NUTM2F: variants seen among roughly 807,000 people sequenced by gnomAD.
NUTM2F encodes the protein family with sequence similarity 22, member F.
A neutral mutation model predicts 43.3 loss-of-function variants in NUTM2F; 22 were observed. That is an observed-to-expected ratio of 0.51 (90% CI 0.36 to 0.73). The LOEUF (loss-of-function observed/expected upper bound fraction) is 0.73, where lower values mean the gene tolerates loss of function less well. Among genes scored for constraint, NUTM2F ranks in the 30% least tolerant of loss-of-function variants. NUTM2F has a pLI of 0.00. For synonymous variants in NUTM2F, 202 were observed against 389.0 expected, an observed-to-expected ratio of 0.52 and a Z score of 5.66; for missense variants, 488 against 927.4, an observed-to-expected ratio of 0.53 and a Z score of 6.15.
In NUTM2F at chr9:94,320,099, A is replaced by G. The variant is rs550293714; in HGVS notation, c.1368+109T>C. On this transcript the variant is annotated intron_variant, in intron 5 of 6. Transcript: ENST00000253262. The surrounding 1 kb of genome is among the most constrained non-coding windows in gnomAD (Gnocchi z 4.5). ...GTCACATACACAGACACTCAAATCC[A>G]TGGAAATACACATACTACTGAGTAG... is the stretch of plus-strand genomic sequence containing the variant. 19 of 928,752 alleles carry G rather than the reference A, an allele frequency of 2.0e-5. No individual in the cohort carries two copies. The Admixed American group carries it at 2.8e-4, about 14-fold the overall frequency. The allele number at this position is 928,752 out of a possible 1,614,324, so 57.5% of individuals were successfully genotyped here.
At position 94,325,853 on chromosome 9, in the gene NUTM2F, G is replaced by A. The variant is rs1355572543; in HGVS notation, c.98C>T (p.Pro33Leu). Residue 33 changes from proline to leucine, a missense_variant, in exon 2 of 7, where the codon CCC becomes CTC. Transcript: ENST00000253262. The stretch of plus-strand genomic sequence containing the variant: ...CGGCCTGTGTGCTGGGCCGGGAGCG[G>A]GTGTGGCAAAGGGCAGAGCCGTGAA... ...SVFTALPFAT[P>L]APGPAHRPPL... 2.5e-6 allele frequency: 4 copies of A among 1,612,046 alleles called. No individual in the cohort carries two copies. Among genetic ancestry groups the A allele is most frequent in the South Asian group, 1.1e-5 (1 of 91,000 alleles).
rs533812601 is a variant in NUTM2F at position 94,326,130 on chromosome 9, C to T, written c.17-196G>A. 4.6e-5 allele frequency among the ~76,000 whole-genome samples: 7 copies of T among 151,796 alleles called. No homozygotes were observed. The East Asian group carries it at 1.4e-3, about 30-fold the overall frequency. ...CCACTAGAGAGCCTGGCGCCAGTCA[C>T]CAAGACTCCCTGACCCTTGTCTGCC... is the stretch of plus-strand genomic sequence containing the variant. On this transcript the variant is annotated intron_variant, in intron 1 of 6. Transcript: ENST00000253262.
chr9:94,322,810 C>T (rs1430951018), intron 2 of NUTM2F, among the ~76,000 whole-genome samples: 1 of 152,038 alleles, frequency 6.6e-6, no homozygotes, highest in Non-Finnish European at 1.5e-5. Flanking sequence ...GACCAGACAC[C>T]CAATCCGCTG....
chr9:94,323,326 C>T (rs1489024115), intron 2 of NUTM2F, among the ~76,000 whole-genome samples: 2 of 152,220 alleles, frequency 1.3e-5, no homozygotes, highest in Non-Finnish European at 2.9e-5. Context: ...AGGCAGGGGA[C>T]TCCCCTAGGG....
At chr9:94,324,043 G>A (rs191768248) in intron 2 of NUTM2F, among the ~76,000 whole-genome samples, 1 of 152,232 alleles carries the variant, frequency 6.6e-6, no homozygotes, top group East Asian at 1.9e-4. Context: ...GCTGAGGCGG[G>A]TGGATCACAA....
rs891921575 is a variant in NUTM2F at position 94,322,051 on chromosome 9, A to C, written c.842+150T>G. 7 of 1,435,602 alleles carry C rather than the reference A, an allele frequency of 4.9e-6. No homozygotes were observed. In the African/African-American group the frequency reaches 1.0e-4, roughly 20 times the overall value. 88.9% of individuals were successfully genotyped at this position (1,435,602 alleles called of 1,614,324 possible). On this transcript the variant is annotated intron_variant, in intron 3 of 6. Coordinates refer to ENST00000253262, the MANE Select transcript of NUTM2F (RefSeq NM_017561.2). ...CCAGAGCACTCTAGGTGTCAGGAGC[A>C]GCTTCCTGAGGGAGCCAGGGGCCCA...
intron 2 of NUTM2F, 50 bp from the exon 3 acceptor site, chr9:94,322,379 G>A (rs770007436): frequency 1.1e-4 from 184 of 1,609,528 alleles, no homozygotes; most frequent in South Asian, 1.9e-4. Context: ...CCTCCATCCC[G>A]GGCCCACCTG....
rs1831356009 is a variant in NUTM2F, at chr9:94,320,978, C to T, written c.982+115G>A. The T allele has an allele frequency of 6.8e-7, 1 of 1,461,190 alleles. No individual in the cohort carries two copies. Among genetic ancestry groups the T allele is most frequent in the Admixed American group, 2.5e-5 (1 of 40,376 alleles). 90.5% of individuals were successfully genotyped at this position (1,461,190 alleles called of 1,614,324 possible). The stretch of plus-strand genomic sequence containing the variant: ...CCAACATACACTCCCGGAAGCTGTC[C>T]TGTTGGAGGGAGCAAATCCCCCTCT... On this transcript the variant is annotated intron_variant, in intron 4 of 6. Transcript: ENST00000253262. The surrounding 1 kb of genome is among the most constrained non-coding windows in gnomAD (Gnocchi z 4.5).
intron 2 of NUTM2F, among the ~76,000 whole-genome samples, chr9:94,323,333 A>G (rs1831403850): frequency 6.6e-6 from 1 of 152,222 alleles, no homozygotes; most frequent in Non-Finnish European, 1.5e-5. Flanking sequence ...GGACTCCCCT[A>G]GGGGAATGGC....
In NUTM2F at chr9:94,322,337, C is replaced by A. The variant is rs767453730; in HGVS notation, c.714-8G>T. On this transcript the variant is annotated splice_polypyrimidine_tract_variant and splice_region_variant and intron_variant, in intron 2 of 6. Coordinates refer to ENST00000253262, the MANE Select transcript of NUTM2F (RefSeq NM_017561.2). ...AGGGATCGGAGAACTGGGCTGTAAA[C>A]CAGTGCAGTCAGTCCCAGTCTGTAA... is the stretch of plus-strand genomic sequence containing the variant. The A allele has an allele frequency of 1.2e-6, 2 of 1,611,832 alleles. No homozygotes were observed. The highest frequency in any genetic ancestry group is 3.3e-5 in the Admixed American group (2 of 60,008).
Position 94,321,166 on chromosome 9 carries a change from C to T in NUTM2F, c.909G>A (p.Gln303=). Residue 303 remains glutamine, a synonymous_variant, in exon 4 of 7, where the codon CAG becomes CAA. Transcript: ENST00000253262. The part of the protein sequence containing the change: ...IQKSQWMKGP[Q]SLPPPAPPRL... ...TCGGCGGGGCTGGAGGAGGCAGGCT[C>T]TGGGGCCCCTTCATCCACTGCGATT... The T allele has an allele frequency of 6.4e-7, 1 of 1,553,112 alleles. No homozygotes were observed. The highest frequency in any genetic ancestry group is 8.6e-7 in the Non-Finnish European group (1 of 1,156,954).
At chr9:94,328,491 A>G in intron 1 of NUTM2F, 117 bp downstream of exon 1, 2 of 1,554,718 alleles carry the variant, frequency 1.3e-6, no homozygotes, top group South Asian at 1.1e-5. Flanking sequence ...GGGGACATCC[A>G]GTGCTCCCTC....
chr9:94,325,778 G>T lies in NUTM2F; in HGVS notation c.173C>A (p.Ala58Asp), dbSNP rs751825292. The part of the protein sequence containing the change: ...VPPAGPLVLS[A>D]FPSTPLVAGQ... ...TGCCACTAGAGGGGTGCTGGGGAAG[G>T]CAGAGAGCACCAGAGGGCCGGCTGG... The change falls in exon 2 of 7, where the codon GCC becomes GAC. Residue 58 changes from alanine (A) to aspartate (D), a missense_variant. Physicochemically the swap from Ala to Asp is moderately radical, Grantham distance 126. Transcript: ENST00000253262. 6.2e-7 allele frequency: 1 copy of T among 1,612,150 alleles called. No individual in the cohort carries two copies. The highest frequency in any genetic ancestry group is 8.5e-7 in the Non-Finnish European group (1 of 1,179,858).
In NUTM2F at chr9:94,319,031, T is replaced by G; in HGVS notation, c.1705A>C (p.Met569Leu). The change falls in exon 7 of 7, where the codon ATG (methionine) becomes CTG (leucine). Residue 569 changes from methionine to leucine, a missense_variant. Met to Leu is a conservative substitution (Grantham distance 15). Transcript: ENST00000253262. ...PQGQGRVRTGMARSEDPAVLL... is the reference protein window; with the variant it reads ...PQGQGRVRTGLARSEDPAVLL... ...ACAGCAGGGTCTTCGGACCTGGCCA[T>G]GCCAGTGCGCACTCTGCCCTGTCCC... The G allele has an allele frequency of 2.5e-6, 4 of 1,589,546 alleles. No individual in the cohort carries two copies. The highest frequency in any genetic ancestry group is 3.4e-6 in the Non-Finnish European group (4 of 1,171,876).
rs1390937061 is a variant in NUTM2F at position 94,325,763 on chromosome 9, G to C, written c.188C>G (p.Pro63Arg). The change falls in exon 2 of 7, where the codon CCT becomes CGT. Residue 63 changes from proline (P) to arginine (R), a missense_variant. By Grantham distance (103) the Pro-to-Arg change is moderately radical. Coordinates refer to ENST00000253262, the MANE Select transcript of NUTM2F (RefSeq NM_017561.2). ...PLVLSAFPST[P>R]LVAGQDGRGP... is the part of the protein sequence containing the mutation. ...GCGGCCATCCTGTCCTGCCACTAGA[G>C]GGGTGCTGGGGAAGGCAGAGAGCAC... 1.2e-6 allele frequency: 2 copies of C among 1,612,012 alleles called. No individual in the cohort carries two copies. The highest frequency in any genetic ancestry group is 1.3e-5 in the African/African-American group (1 of 74,890).
At chr9:94,321,321 G>A (rs1831363724) in intron 3 of NUTM2F, 89 bp from the exon 4 acceptor site, 1 of 1,531,914 alleles carries the variant, frequency 6.5e-7, no homozygotes, top group East Asian at 2.4e-5. Context: ...GGGATGGGAG[G>A]GAGTGCCTCC....
Position 94,319,482 on chromosome 9 carries a change from C to T in NUTM2F, c.1485+131G>A, listed in dbSNP as rs1175621788. On this transcript the variant is annotated intron_variant, in intron 6 of 6. Transcript: ENST00000253262. Reference sequence around the variant, plus strand: ...CCTACTCCCTCTGAACCTGCATCTTCCCACCCCGGAGTGGCTCCCCAAGAA... The same window carrying T: ...CCTACTCCCTCTGAACCTGCATCTTTCCACCCCGGAGTGGCTCCCCAAGAA... The T allele has an allele frequency of 3.8e-5, 29 of 753,520 alleles. No homozygotes were observed. The East Asian group carries it at 7.2e-4, about 19-fold the overall frequency. 46.7% of individuals were successfully genotyped at this position (753,520 alleles called of 1,614,324 possible).
Position 94,325,736 on chromosome 9 carries a change from C to A in NUTM2F, c.215G>T (p.Gly72Val). 1 of 1,611,826 alleles carries A rather than the reference C, an allele frequency of 6.2e-7. No homozygotes were observed. The highest frequency in any genetic ancestry group is 8.5e-7 in the Non-Finnish European group (1 of 1,179,860). The change falls in exon 2 of 7, where the codon GGC (glycine) becomes GTC (valine). Residue 72 changes from glycine to valine, a missense_variant. Transcript: ENST00000253262. ...GTTGGAAGCCCCGGCCCCACTCGGGCCGCGGCCATCCTGTCCTGCCACTAG... is the reference window on the plus strand; with the variant it reads ...GTTGGAAGCCCCGGCCCCACTCGGGACGCGGCCATCCTGTCCTGCCACTAG... ...TPLVAGQDGR[G>V]PSGAGASNVF...
Position 94,320,466 on chromosome 9 carries a change from G to C in NUTM2F, c.1110C>G (p.Asn370Lys), listed in dbSNP as rs201613053. 71 of 1,592,024 alleles carry C rather than the reference G, an allele frequency of 4.5e-5. No individual in the cohort carries two copies. Among genetic ancestry groups the C allele is most frequent in the Middle Eastern group, 4.4e-4 (2 of 4,572 alleles). Residue 370 changes from asparagine (N) to lysine (K), a missense_variant, in exon 5 of 7, where the codon AAC becomes AAG. Asn to Lys is a moderately conservative substitution (Grantham distance 94). Transcript: ENST00000253262. This position sits in a 1 kb window ranked among gnomAD's most constrained non-coding sequence, Gnocchi z 4.5. ...GGGGCCTGGGTGGTGGCAGGTGGGC[G>C]TTGGTCTCCGCTGGCCTCTGGGGCC... ...PPRPQRPAET[N>K]AHLPPPRPQR...
Sources: gnomAD v4.1 joint callset for allele counts (sites outside exome capture counted in the v4.1 genomes callset) on GRCh38, gnomAD v4.1.1 for gene constraint, Gnocchi (gnomAD v3.1) non-coding constraint, MANE v1.5 for transcripts, NCBI Gene and HGNC (gene_info 2026-07-23, HGNC 2026-07-21) for gene names.